ZNF280D: variants seen among roughly 807,000 people sequenced by gnomAD.
ZNF280D encodes the protein zinc finger protein 280D, also known as suppressor of hairy wing homolog 4.
ZNF280D carries 39 observed loss-of-function variants against 94.7 expected under a neutral mutation model. The ratio of observed to expected loss-of-function variants is 0.41; its 90% CI spans 0.32 to 0.54. The LOEUF is 0.54. Ranked by LOEUF, ZNF280D falls within the 20% of genes least tolerant of loss-of-function variation. ZNF280D has a pLI of 0.22. For missense variants in ZNF280D, 1,090 were observed against 1,149.3 expected, an observed-to-expected ratio of 0.95 and a Z score of 0.75; for synonymous variants, 398 against 377.6, an observed-to-expected ratio of 1.05 and a Z score of -0.63.
chr15:56,719,825 T>C (rs752042528), intron 1 of ZNF280D, among the ~76,000 whole-genome samples: 1 of 146,226 alleles, frequency 6.8e-6, no homozygotes, highest in Non-Finnish European at 1.5e-5. Context: ...GTAGTCTAAA[T>C]GTACAATAGC....
chr15:56,667,007 T>C, intron 14 of ZNF280D, 21 bp from the exon 15 acceptor site: 1 of 1,523,046 alleles, frequency 6.6e-7, no homozygotes, highest in Non-Finnish European at 8.8e-7. Flanking sequence ...AAAGAGAAGA[T>C]TTGCTTTAAG....
intron 3 of ZNF280D, among the ~76,000 whole-genome samples, chr15:56,704,705 G>A (rs1227134781): frequency 6.6e-6 from 1 of 152,160 alleles, no homozygotes; most frequent in Non-Finnish European, 1.5e-5. Context: ...GGCAGGATGG[G>A]AGCAGTGGCT....
intron 1 of ZNF280D, among the ~76,000 whole-genome samples, chr15:56,725,634 C>T (rs1261863137): frequency 2.0e-5 from 3 of 151,828 alleles, no homozygotes; most frequent in African/African-American, 7.3e-5. Context: ...TAGTAGAATC[C>T]TTCAAAGAGT....
At position 56,704,164 on chromosome 15, in the gene ZNF280D, T is replaced by G. The variant is rs772832308; in HGVS notation, c.132A>C (p.Pro44=). Residue 44 remains proline (P), a synonymous_variant, in exon 4 of 22, where the codon CCA becomes CCC. Coordinates refer to ENST00000267807, the MANE Select transcript of ZNF280D (RefSeq NM_017661.4). ...AACTTGATATCTCGCCAACAAAGAT[T>G]GGCTCATCATCATCGTCATCCTCAA... ...KEVEDDDDDE[P]IFVGEISSSK... 95 of 1,613,744 alleles carry G rather than the reference T, an allele frequency of 5.9e-5. No homozygotes were observed. The highest frequency in any genetic ancestry group is 7.5e-5 in the Non-Finnish European group (89 of 1,179,918).
chr15:56,710,520 G>A (rs1033876234), intron 1 of ZNF280D, among the ~76,000 whole-genome samples: 1 of 151,800 alleles, frequency 6.6e-6, no homozygotes, highest in African/African-American at 2.4e-5. Context: ...TTGCATGGGG[G>A]AAAAATGAAT....
intron 1 of ZNF280D, among the ~76,000 whole-genome samples, chr15:56,728,731 C>A (rs1475673154): frequency 6.6e-6 from 1 of 152,164 alleles, no homozygotes; most frequent in African/African-American, 2.4e-5. Flanking sequence ...CAATTTTCAA[C>A]TTTATAATGG....
intron 9 of ZNF280D, among the ~76,000 whole-genome samples, chr15:56,687,374 G>A (rs1156929763): frequency 6.6e-6 from 1 of 152,074 alleles, no homozygotes; most frequent in Non-Finnish European, 1.5e-5. Flanking sequence ...ACATTTTGGA[G>A]AATGTTGCCA....
chr15:56,721,357 C>T (rs1457980092), intron 1 of ZNF280D, among the ~76,000 whole-genome samples: 2 of 152,144 alleles, frequency 1.3e-5, no homozygotes, highest in Non-Finnish European at 2.9e-5. Flanking sequence ...GCTTCATTAG[C>T]CCTTAACCAG....
rs945781989 is a variant in ZNF280D, at chr15:56,669,984, T to A, written c.1411-1027A>T. Among the ~76,000 whole-genome samples the A allele has an allele frequency of 3.0e-3, 5 of 1,678 alleles. 1 individual carries two copies. Among genetic ancestry groups the A allele is most frequent in the African/African-American group, 4.8e-3 (2 of 418 alleles). 1.1% of individuals were successfully genotyped at this position (1,678 alleles called of 152,430 possible). A position where few individuals can be genotyped will look rare whatever the true frequency, so the allele number is the denominator to read the frequency against. On this transcript the variant is annotated intron_variant, in intron 13 of 21. Coordinates refer to ENST00000267807, the MANE Select transcript of ZNF280D (RefSeq NM_017661.4). ...ATATTATATATATATAATATATATA[T>A]TATATATATATATTATATATATATA...
At position 56,725,227 on chromosome 15, in the gene ZNF280D, C is replaced by G. The variant is rs149111573; in HGVS notation, c.-86+8231G>C. On this transcript the variant is annotated intron_variant, in intron 1 of 21. Transcript: ENST00000267807. ...TAGCCCTAGTCAAAATGCGTATCAA[C>G]TCAAAGGCATTCAGTTAATAATGTT... Among the ~76,000 whole-genome samples, 389 of 151,840 alleles carry G rather than the reference C, an allele frequency of 2.6e-3. 2 individuals are homozygous for G. Among genetic ancestry groups the G allele is most frequent in the African/African-American group, 8.9e-3 (370 of 41,384 alleles).
At chr15:56,653,931 T>A in intron 19 of ZNF280D, 1 of 1,311,022 alleles carries the variant, frequency 7.6e-7, no homozygotes, top group Non-Finnish European at 9.7e-7. Flanking sequence ...AGCTGAATAA[T>A]GAGAGCTAGT....
intron 1 of ZNF280D, among the ~76,000 whole-genome samples, chr15:56,728,782 T>C (rs1398260035): frequency 6.6e-6 from 1 of 152,174 alleles, no homozygotes; most frequent in Non-Finnish European, 1.5e-5. Flanking sequence ...CATACAACCA[T>C]TCTGTTTTTC....
chr15:56,638,773 A>G lies in ZNF280D; in HGVS notation c.2260-3523T>C, dbSNP rs112986068. Among the ~76,000 whole-genome samples the G allele has an allele frequency of 1.2e-3, 184 of 152,298 alleles. 5 individuals are homozygous for G. The highest frequency in any genetic ancestry group is 4.3e-3 in the African/African-American group (179 of 41,578). On this transcript the variant is annotated intron_variant, in intron 20 of 21. Coordinates refer to ENST00000267807, the MANE Select transcript of ZNF280D (RefSeq NM_017661.4). ...TATTTCAATTTCTAATATGGTAAACATTAGTAATTTTTGAGACTACAAAGG... is the reference window on the plus strand; with the variant it reads ...TATTTCAATTTCTAATATGGTAAACGTTAGTAATTTTTGAGACTACAAAGG...
chr15:56,675,452 C>T (rs1372051589), intron 13 of ZNF280D, among the ~76,000 whole-genome samples: 1 of 150,982 alleles, frequency 6.6e-6, no homozygotes, highest in Non-Finnish European at 1.5e-5. Context: ...TTTTATAACA[C>T]TATGTTCAAC....
At chr15:56,731,765 AT>A (rs1354759286) in intron 1 of ZNF280D, among the ~76,000 whole-genome samples, 1 of 152,216 alleles carries the variant, frequency 6.6e-6, no homozygotes. Flanking sequence ...AAGTGGAAAA[AT>A]GCAAATATGG....
At chr15:56,632,260 A>G in intron 21 of ZNF280D, 138 bp from the exon 22 acceptor site, 2 of 777,230 alleles carry the variant, frequency 2.6e-6, no homozygotes, top group Non-Finnish European at 3.9e-6. Flanking sequence ...CAAGTTCCCA[A>G]TCCTCGCTAT....
At chr15:56,653,656 T>A in intron 19 of ZNF280D, 1 of 1,401,138 alleles carries the variant, frequency 7.1e-7, no homozygotes, top group Non-Finnish European at 9.3e-7. Flanking sequence ...AAGACAATTA[T>A]CTGGCCTAAA....
chr15:56,685,288 A>G (rs1249646611), intron 9 of ZNF280D, among the ~76,000 whole-genome samples: 3 of 152,196 alleles, frequency 2.0e-5, no homozygotes, highest in Admixed American at 2.0e-4. Flanking sequence ...GATGATGAAC[A>G]GTGGATTATA....
At chr15:56,669,008 A>G in intron 13 of ZNF280D, 51 bp from the exon 14 acceptor site, 1 of 1,551,960 alleles carries the variant, frequency 6.4e-7, no homozygotes, top group Non-Finnish European at 8.7e-7. Context: ...AAAAACTACA[A>G]ATCCTGTGTC....
Sources: gnomAD v4.1 joint callset for allele counts (sites outside exome capture counted in the v4.1 genomes callset) on GRCh38, gnomAD v4.1.1 for gene constraint, MANE v1.5 for transcripts, NCBI Gene and HGNC (gene_info 2026-07-23, HGNC 2026-07-21) for gene names.